Variants in GNG7 observed in about 807,000 individuals in gnomAD.
GNG7 encodes the protein G protein subunit gamma 7.
A neutral mutation model predicts 4.0 loss-of-function variants in GNG7; 1 was observed. That is an observed-to-expected ratio of 0.25 (90% confidence interval 0.09 to 1.18). The LOEUF (loss-of-function observed/expected upper bound fraction) is 1.18, where lower values mean the gene tolerates loss of function less well. Ranked by LOEUF, GNG7 falls within the 50% of genes most tolerant of loss-of-function variation. The pLI is 0.50. For missense variants in GNG7, 86 were observed against 91.9 expected, an observed-to-expected ratio of 0.94 and a Z score of 0.26; for synonymous variants, 34 against 36.9, an observed-to-expected ratio of 0.92 and a Z score of 0.29.
chr19:2,692,239 A>G (rs113842106), intron 1 of GNG7, among the ~76,000 whole-genome samples: 1 of 151,714 alleles, frequency 6.6e-6, no homozygotes, highest in Non-Finnish European at 1.5e-5. Flanking sequence ...CTCTGTGCCC[A>G]GCAGACTCTG....
At chr19:2,697,157 CT>C (rs1407438532) in intron 1 of GNG7, among the ~76,000 whole-genome samples, 9 of 152,162 alleles carry the variant, frequency 5.9e-5, no homozygotes, top group Admixed American at 5.9e-4. Context: ...GTTTGCACAG[CT>C]GATAAACTTA....
intron 3 of GNG7, among the ~76,000 whole-genome samples, chr19:2,539,060 G>T (rs940341496): frequency 1.3e-5 from 2 of 151,764 alleles, no homozygotes; most frequent in Non-Finnish European, 2.9e-5. Flanking sequence ...CGTGAGCCAC[G>T]GCACCCAGCC....
chr19:2,573,717 C>A (rs1330595128), intron 2 of GNG7, among the ~76,000 whole-genome samples: 9 of 152,106 alleles, frequency 5.9e-5, no homozygotes, highest in Admixed American at 3.9e-4. Flanking sequence ...GTCGTGGGCG[C>A]CTGTAATCCC....
At chr19:2,528,502 C>CAA (rs398040841) in intron 3 of GNG7, among the ~76,000 whole-genome samples, 8 of 128,834 alleles carry the variant, frequency 6.2e-5, no homozygotes, top group African/African-American at 2.3e-4. Flanking sequence ...AGAATGGTCT[C>CAA]AAAAAAAAAA....
rs1047406109 is a variant in GNG7, at chr19:2,609,413, T to C, written c.-78+36811A>G. Among the ~76,000 whole-genome samples, 2 of 152,112 alleles carry C rather than the reference T, an allele frequency of 1.3e-5. No individual in the cohort carries two copies. Among genetic ancestry groups the C allele is most frequent in the African/African-American group, 2.4e-5 (1 of 41,422 alleles). On this transcript the variant is annotated intron_variant, in intron 2 of 4. Coordinates refer to ENST00000382159, the MANE Select transcript of GNG7 (RefSeq NM_052847.3). The surrounding 1 kb of genome is among the most constrained non-coding windows in gnomAD (Gnocchi z 4.4). ...CAATTTTGTGCCCAGTGTGAATACA[T>C]TGCTTGCCTGACCCTGGTCCTGCCC... is the stretch of plus-strand genomic sequence containing the variant.
chr19:2,570,137 A>G (rs559060673), intron 2 of GNG7, among the ~76,000 whole-genome samples: 45 of 152,116 alleles, frequency 3.0e-4, no homozygotes, highest in African/African-American at 1.1e-3. Context: ...CTGGTTGTTA[A>G]AAAAAGCCTG....
At chr19:2,598,428 C>T (rs1477905086) in intron 2 of GNG7, among the ~76,000 whole-genome samples, 6 of 151,254 alleles carry the variant, frequency 4.0e-5, no homozygotes, top group Non-Finnish European at 7.4e-5. Flanking sequence ...GAGGCCGAGG[C>T]GGGCGGATCA....
intron 3 of GNG7, chr19:2,538,105 C>CAAAACAA (rs764519305): frequency 4.4e-6 from 2 of 455,246 alleles, no homozygotes; most frequent in Non-Finnish European, 4.4e-6. Context: ...CAAAACAAAA[C>CAAAACAA]AACAATGAAT....
At chr19:2,589,434 G>C (rs1294009316) in intron 2 of GNG7, among the ~76,000 whole-genome samples, 1 of 139,916 alleles carries the variant, frequency 7.1e-6, no homozygotes, top group African/African-American at 2.7e-5. Context: ...TGAACAGGCT[G>C]GTCTTGAACT....
intron 3 of GNG7, among the ~76,000 whole-genome samples, chr19:2,540,697 C>T (rs937277587): frequency 2.0e-5 from 3 of 152,152 alleles, no homozygotes; most frequent in South Asian, 4.1e-4. Context: ...GAGCAGACAG[C>T]GAGGCCCGCC....
chr19:2,514,899 T>G lies in GNG7; in HGVS notation c.*123A>C, dbSNP rs1038620334. ...GGGGATTTCTTTTGGAATTAAAGGT[T>G]TTGGGGACTTGAGATGTTTTGTTTG... On this transcript the variant is annotated 3_prime_UTR_variant, in exon 5 of 5. Transcript: ENST00000382159. The G allele has an allele frequency of 3.8e-6, 3 of 782,684 alleles. No individual in the cohort carries two copies. Among genetic ancestry groups the G allele is most frequent in the African/African-American group, 1.7e-5 (1 of 57,310 alleles). The allele number at this position is 782,684 out of a possible 1,614,324, so 48.5% of individuals were successfully genotyped here.
At chr19:2,588,399 G>A (rs898096277) in intron 2 of GNG7, among the ~76,000 whole-genome samples, 1 of 152,218 alleles carries the variant, frequency 6.6e-6, no homozygotes, top group African/African-American at 2.4e-5. Flanking sequence ...TCTGCAAAGC[G>A]ACAGGTAGTA....
At chr19:2,537,253 A>G (rs1978772388) in intron 3 of GNG7, among the ~76,000 whole-genome samples, 2 of 150,176 alleles carry the variant, frequency 1.3e-5, no homozygotes, top group South Asian at 4.2e-4. Flanking sequence ...CCGGCCACAT[A>G]CATATTTTTA....
chr19:2,693,116 C>T (rs1440903704), intron 1 of GNG7, among the ~76,000 whole-genome samples: 3 of 151,790 alleles, frequency 2.0e-5, no homozygotes, highest in South Asian at 4.2e-4. Context: ...CATAGTGAGA[C>T]TCCATCTCTA....
At chr19:2,629,761 G>A (rs1241694249) in intron 2 of GNG7, among the ~76,000 whole-genome samples, 2 of 152,128 alleles carry the variant, frequency 1.3e-5, no homozygotes, top group Admixed American at 6.5e-5. Flanking sequence ...CCATGCCCAC[G>A]AGTAAGAGGA....
chr19:2,571,351 A>G (rs888477314), intron 2 of GNG7, among the ~76,000 whole-genome samples: 5 of 152,102 alleles, frequency 3.3e-5, no homozygotes, highest in Non-Finnish European at 7.3e-5. Context: ...AATTTATTGC[A>G]AAGACCTTGT....
At chr19:2,650,779 A>G (rs72978759) in intron 1 of GNG7, among the ~76,000 whole-genome samples, 11,659 of 152,208 alleles carry the variant, frequency 0.077, 534 homozygotes, top group South Asian at 0.24. Context: ...CCTGACAGAA[A>G]CGCTGTGTTT....
At chr19:2,669,220 G>T (rs1036866223) in intron 1 of GNG7, among the ~76,000 whole-genome samples, 1 of 152,142 alleles carries the variant, frequency 6.6e-6, no homozygotes, top group Non-Finnish European at 1.5e-5. Flanking sequence ...GGTTGGGCGC[G>T]GTGGCTCACA....
At chr19:2,591,120 C>T (rs1029053730) in intron 2 of GNG7, among the ~76,000 whole-genome samples, 1 of 152,200 alleles carries the variant, frequency 6.6e-6, no homozygotes, top group East Asian at 1.9e-4. Context: ...CTGATGCTCT[C>T]AGTAACCTAG....
Sources: allele counts gnomAD v4.1 joint callset (sites outside exome capture counted in the v4.1 genomes callset), GRCh38; gene constraint gnomAD v4.1.1; non-coding constraint Gnocchi (gnomAD v3.1); transcripts MANE v1.5; gene names NCBI Gene and HGNC (gene_info 2026-07-23, HGNC 2026-07-21).